AGL: variants seen among roughly 807,000 people sequenced by gnomAD.
AGL encodes the protein glycogen debranching enzyme.
In AGL, 128 loss-of-function variants were observed where a neutral mutation model predicts 199.3. The ratio of observed to expected loss-of-function variants is 0.64; its 90% confidence interval spans 0.56 to 0.74. The LOEUF is 0.74. AGL is among the 30% of genes least tolerant of loss of function. AGL has a pLI of 0.00. For synonymous variants in AGL, 584 were observed against 594.7 expected, an observed-to-expected ratio of 0.98 and a Z score of 0.26; for missense variants, 1,809 against 1,820.8, an observed-to-expected ratio of 0.99 and a Z score of 0.12.
At chr1:99,857,847 A>AGAGGGAGACCGTGGGGTGGGGGAGGGGGG (rs1557743553) in intron 2 of AGL, among the ~76,000 whole-genome samples, 1 of 8,226 alleles carries the variant, frequency 1.2e-4, no homozygotes, top group Non-Finnish European at 2.4e-4. Flanking sequence ...GGGGAGGGGG[A>AGAGGGAGACCGTGGGGTGGGGGAGGGGGG]GGGGGGAAGA....
rs967235200 is a variant in AGL, at chr1:99,857,189, A to G, written c.83-4314A>G. Among the ~76,000 whole-genome samples the G allele has an allele frequency of 5.3e-5, 8 of 151,906 alleles. No homozygotes were observed. The South Asian group carries it at 1.2e-3, about 24-fold the overall frequency. On this transcript the variant is annotated intron_variant, in intron 2 of 33. Transcript: ENST00000361915. The stretch of plus-strand genomic sequence containing the variant: ...CTCCCGGACGGGGTCGCAGCCGGGC[A>G]GAGGCGCTCCTCACATCCCAGACGG...
At chr1:99,892,652 T>C (rs1341720891) in intron 24 of AGL, 45 bp downstream of exon 24, 3 of 1,571,506 alleles carry the variant, frequency 1.9e-6, no homozygotes, top group African/African-American at 2.7e-5. Flanking sequence ...TCGATAGTAT[T>C]CGCGGAAGAA....
intron 2 of AGL, among the ~76,000 whole-genome samples, chr1:99,855,997 A>C (rs1403820257): frequency 6.6e-6 from 1 of 152,200 alleles, no homozygotes; most frequent in Non-Finnish European, 1.5e-5. Context: ...TATTTACAAT[A>C]ATAGTTTAAT....
intron 21 of AGL, among the ~76,000 whole-genome samples, chr1:99,890,650 A>AAAT (rs1553188446): frequency 2.6e-5 from 2 of 76,048 alleles, no homozygotes; most frequent in African/African-American, 4.2e-5. Context: ...AGAAAAAAAA[A>AAAT]ATATATATAT....
At chr1:99,919,272 C>T (rs536853401) in intron 33 of AGL, among the ~76,000 whole-genome samples, 1 of 152,204 alleles carries the variant, frequency 6.6e-6, no homozygotes, top group Non-Finnish European at 1.5e-5. Flanking sequence ...CTTCAAGGAT[C>T]GCTATTTGTT....
At chr1:99,889,445 G>C (rs1652714282) in intron 21 of AGL, among the ~76,000 whole-genome samples, 1 of 152,104 alleles carries the variant, frequency 6.6e-6, no homozygotes, top group African/African-American at 2.4e-5. Flanking sequence ...AGACATGGTG[G>C]CTTCCACCTG....
intron 28 of AGL, among the ~76,000 whole-genome samples, chr1:99,911,257 A>C (rs927722761): frequency 6.6e-6 from 1 of 152,126 alleles, no homozygotes; most frequent in Non-Finnish European, 1.5e-5. Context: ...CTAATTTTTA[A>C]ATCTTTTTTC....
At chr1:99,851,730 A>G (rs1233216474) in intron 2 of AGL, among the ~76,000 whole-genome samples, 4 of 152,216 alleles carry the variant, frequency 2.6e-5, no homozygotes, top group African/African-American at 9.6e-5. Context: ...CTACAAGGCT[A>G]GTTAATAGAT....
At chr1:99,893,457 C>T (rs953230876) in intron 24 of AGL, among the ~76,000 whole-genome samples, 21 of 152,266 alleles carry the variant, frequency 1.4e-4, no homozygotes, top group African/African-American at 2.6e-4. Context: ...TCCTGGTACC[C>T]GTTGTTCCCT....
chr1:99,860,425 G>A (rs1027765892), intron 2 of AGL, among the ~76,000 whole-genome samples: 1 of 152,068 alleles, frequency 6.6e-6, no homozygotes. Flanking sequence ...AAATTTATAT[G>A]TATTATATTT....
chr1:99,888,241 A>G (rs1016650314), intron 21 of AGL, 133 bp downstream of exon 21: 9 of 1,160,032 alleles, frequency 7.8e-6, no homozygotes, highest in East Asian at 2.6e-5. Context: ...CTGCTCATTA[A>G]TTGACCTTTG....
At chr1:99,854,559 G>A (rs1031767260) in intron 2 of AGL, among the ~76,000 whole-genome samples, 1 of 150,534 alleles carries the variant, frequency 6.6e-6, no homozygotes, top group Admixed American at 6.6e-5. Context: ...TCAGGAGATC[G>A]AGACTATCCT....
chr1:99,884,580 A>G lies in AGL; in HGVS notation c.2558A>G (p.Asp853Gly), dbSNP rs374531404. 8.1e-6 allele frequency: 13 copies of G among 1,613,880 alleles called. No individual in the cohort carries two copies. The African/African-American group carries it at 1.1e-4, about 13-fold the overall frequency. ...GSVIIFRVSL[D>G]PHAQVAVGIL... ...ATTAACATTTTCAGAGTTAGTCTTGATCCACATGCACAAGTCGCTGTTGGA... is the reference window on the plus strand; with the variant it reads ...ATTAACATTTTCAGAGTTAGTCTTGGTCCACATGCACAAGTCGCTGTTGGA... The change falls in exon 20 of 34, where the codon GAT becomes GGT. Residue 853 changes from aspartate (D) to glycine (G), a missense_variant. Coordinates refer to ENST00000361915, the MANE Select transcript of AGL (RefSeq NM_000642.3).
rs1553185418 is a variant in AGL, at chr1:99,875,230, C to T, written c.1159C>T (p.Arg387Ter). The change falls in exon 9 of 34, where the codon CGA becomes TGA. Residue 387 changes from arginine to a stop codon, truncating the protein, a stop_gained. Transcript: ENST00000361915. LOFTEE classifies it high-confidence loss of function. Reference sequence around the variant, plus strand: ...GGAGGAATTAAATTCAGAGAAGCATCGACTCATTAACTATCATCAGGAACA... The same window carrying T: ...GGAGGAATTAAATTCAGAGAAGCATTGACTCATTAACTATCATCAGGAACA... Reference protein sequence around the residue: ...RMEELNSEKHRLINYHQEQAV... With the variant: ...RMEELNSEKH 3.1e-6 allele frequency: 5 copies of T among 1,613,872 alleles called. No homozygotes were observed. Among genetic ancestry groups the T allele is most frequent in the East Asian group, 2.2e-5 (1 of 44,886 alleles).
rs750932668 is a variant in AGL at position 99,884,645 on chromosome 1, A to G, written c.2623A>G (p.Lys875Glu). 6.2e-7 allele frequency: 1 copy of G among 1,614,042 alleles called. No individual in the cohort carries two copies. Among genetic ancestry groups the G allele is most frequent in the African/African-American group, 1.3e-5 (1 of 75,056 alleles). The change falls in exon 20 of 34, where the codon AAA (lysine) becomes GAA (glutamate). Residue 875 changes from lysine to glutamate, a missense_variant. Transcript: ENST00000361915. The stretch of plus-strand genomic sequence containing the variant: ...TCTGACACAATTCAGTCCTCACTTT[A>G]AATCTGGCAGCCTAGCTGTTGACAA... ...NHLTQFSPHF[K>E]SGSLAVDNAD...
At chr1:99,893,896 A>G (rs906846459) in intron 24 of AGL, among the ~76,000 whole-genome samples, 4 of 152,148 alleles carry the variant, frequency 2.6e-5, no homozygotes, top group Non-Finnish European at 5.9e-5. Flanking sequence ...TATTGCAACA[A>G]CAGCAATTAA....
At chr1:99,885,427 T>G (rs1292786562) in intron 20 of AGL, among the ~76,000 whole-genome samples, 3 of 152,174 alleles carry the variant, frequency 2.0e-5, no homozygotes, top group Non-Finnish European at 4.4e-5. Flanking sequence ...AGTATAAATA[T>G]TTTCAGAAAT....
At chr1:99,855,034 C>G (rs974745063) in intron 2 of AGL, among the ~76,000 whole-genome samples, 1 of 151,972 alleles carries the variant, frequency 6.6e-6, no homozygotes, top group Middle Eastern at 3.4e-3. Flanking sequence ...AACCCTGTCT[C>G]TCCTAAAAAT....
At chr1:99,914,283 T>C (rs1198601059) in intron 30 of AGL, among the ~76,000 whole-genome samples, 2 of 152,220 alleles carry the variant, frequency 1.3e-5, no homozygotes, top group Non-Finnish European at 2.9e-5. Context: ...CTATAACCAG[T>C]GCCTCAGCAC....
Sources: gnomAD v4.1 joint callset for allele counts (sites outside exome capture counted in the v4.1 genomes callset) on GRCh38, gnomAD v4.1.1 for gene constraint, MANE v1.5 for transcripts, NCBI Gene and HGNC (gene_info 2026-07-23, HGNC 2026-07-21) for gene names.